The following TENM3 variants were observed in gnomAD, a reference collection of about 807,000 sequenced individuals.
TENM3 encodes the protein teneurin transmembrane protein 3.
Under a neutral mutation model 255.1 loss-of-function variants are expected in TENM3, and 63 were observed. The observed-to-expected ratio is 0.25, with a 90% confidence interval of 0.20 to 0.30. TENM3 has a LOEUF of 0.30. Among genes scored for constraint, TENM3 ranks in the 10% least tolerant of loss-of-function variants. The pLI, the probability that TENM3 is intolerant of heterozygous loss-of-function variation, is 1.00. For missense variants in TENM3, 2,929 were observed against 3,461.1 expected (o/e 0.85, Z 3.86); for synonymous variants, 1,306 against 1,322.3 (o/e 0.99, Z 0.27).
intron 1 of TENM3, among the ~76,000 whole-genome samples, chr4:182,174,067 A>T (rs6815611): frequency 9.9e-5 from 15 of 151,784 alleles, no homozygotes; most frequent in Non-Finnish European, 1.6e-4. Context: ...TAACTAAAAA[A>T]TTGTTTTACA....
At chr4:182,646,699 G>A (rs1043307175) in intron 5 of TENM3, among the ~76,000 whole-genome samples, 1 of 152,122 alleles carries the variant, frequency 6.6e-6, no homozygotes, top group African/African-American at 2.4e-5. Flanking sequence ...CCGGGATTGC[G>A]CCACTGCATT....
intron 4 of TENM3, among the ~76,000 whole-genome samples, chr4:182,605,093 G>A (rs1313209271): frequency 2.6e-5 from 4 of 152,154 alleles, no homozygotes; most frequent in Non-Finnish European, 4.4e-5. Flanking sequence ...CCTTGCTGAC[G>A]TGTGTCTGCA....
the TENM3 span, among the ~76,000 whole-genome samples, chr4:181,520,799 G>A: frequency 1.3e-5 from 2 of 151,870 alleles, no homozygotes; most frequent in Non-Finnish European, 2.9e-5. Context: ...ACTCTTGTCT[G>A]TCCATGTTGA....
At chr4:181,898,467 G>T in the TENM3 span, among the ~76,000 whole-genome samples, 1 of 152,140 alleles carries the variant, frequency 6.6e-6, no homozygotes, top group Admixed American at 6.6e-5. Context: ...ATAAAGGAAA[G>T]GAAAGTGAAG....
chr4:181,825,672 C>T, the TENM3 span, among the ~76,000 whole-genome samples: 2 of 152,088 alleles, frequency 1.3e-5, no homozygotes, highest in Non-Finnish European at 1.5e-5. Context: ...GTAAAATACC[C>T]TCAATCACAA....
chr4:181,809,426 T>G, the TENM3 span, among the ~76,000 whole-genome samples: 1 of 152,206 alleles, frequency 6.6e-6, no homozygotes, highest in Non-Finnish European at 1.5e-5. Context: ...ATCACAATTA[T>G]CCACGGTTCG....
chr4:182,364,289 A>G (rs1766246985), intron 3 of TENM3, among the ~76,000 whole-genome samples: 1 of 152,234 alleles, frequency 6.6e-6, no homozygotes, highest in South Asian at 2.1e-4. Context: ...ATTGGGCAAC[A>G]CAGATAAGCA....
rs1765936575 is a variant in TENM3, at chr4:182,789,477, G to A, written c.5601+88G>A. The A allele has an allele frequency of 8.1e-7, 1 of 1,228,690 alleles. No homozygotes were observed. Among genetic ancestry groups the A allele is most frequent in the South Asian group, 1.5e-5 (1 of 65,492 alleles). The allele number at this position is 1,228,690 out of a possible 1,614,324, so 76.1% of individuals were successfully genotyped here. On this transcript the variant is annotated intron_variant, in intron 25 of 27. Transcript: ENST00000511685. The surrounding 1 kb of genome is among the most constrained non-coding windows in gnomAD (Gnocchi z 4.4). ...CAGAGCACTAAGGGGAAAAAAAACA[G>A]TGGCACATGACTGAGTTCCATTTGT...
the TENM3 span, among the ~76,000 whole-genome samples, chr4:181,596,014 C>T: frequency 1.3e-5 from 2 of 152,216 alleles, no homozygotes; most frequent in African/African-American, 4.8e-5. Context: ...TTTGTCTTTA[C>T]GACTTTTATT....
At chr4:181,574,790 T>A in the TENM3 span, among the ~76,000 whole-genome samples, 3 of 152,188 alleles carry the variant, frequency 2.0e-5, no homozygotes, top group African/African-American at 7.2e-5. Flanking sequence ...ATGATTTAGG[T>A]TGAGATCTTC....
Position 182,688,351 on chromosome 4 carries a change from G to A in TENM3, c.2221G>A (p.Glu741Lys). The A allele has an allele frequency of 1.9e-6, 3 of 1,593,608 alleles. No individual in the cohort carries two copies. The highest frequency in any genetic ancestry group is 2.6e-6 in the Non-Finnish European group (3 of 1,167,906). Residue 741 changes from glutamate to lysine, a missense_variant and splice_region_variant, in exon 12 of 28, where the codon GAG (glutamate) becomes AAG (lysine). Glu to Lys is a moderately conservative substitution (Grantham distance 56). This residue lies in a region of TENM3 where 1,608 missense variants were observed against 1,884.4 expected (regional missense o/e 0.85). Transcript: ENST00000511685. ...QGWNGEHCTI[E>K]GCPGLCNSNG... The stretch of plus-strand genomic sequence containing the variant: ...CTGGAATGGAGAGCACTGCACTATC[G>A]GTAGGCTTACTGCAAGTCTGTGTCT...
At chr4:181,544,434 A>AAAAAAAAAAAAAAAAAAAC in the TENM3 span, among the ~76,000 whole-genome samples, 1 of 144,572 alleles carries the variant, frequency 6.9e-6, no homozygotes, top group East Asian at 2.0e-4. Context: ...AAAAAAAAAA[A>AAAAAAAAAAAAAAAAAAAC]AACTATAACT....
intron 3 of TENM3, among the ~76,000 whole-genome samples, chr4:182,552,077 C>G (rs1259399391): frequency 1.3e-5 from 2 of 151,398 alleles, no homozygotes; most frequent in Admixed American, 6.6e-5. Context: ...AGTGACAAGA[C>G]TGTTCATCAG....
At chr4:181,461,508 T>C in the TENM3 span, among the ~76,000 whole-genome samples, 1 of 152,162 alleles carries the variant, frequency 6.6e-6, no homozygotes, top group Non-Finnish European at 1.5e-5. Flanking sequence ...CCACATATGT[T>C]AAATAGCTTC....
intron 3 of TENM3, among the ~76,000 whole-genome samples, chr4:182,551,199 C>T (rs553892398): frequency 8.0e-5 from 11 of 137,352 alleles, no homozygotes; most frequent in Admixed American, 8.0e-4. Context: ...CCAGCCTGGG[C>T]GACAGAGTGA....
rs144329855 is a variant in TENM3 at position 182,624,271 on chromosome 4, G to A, written c.750-4380G>A. Among the ~76,000 whole-genome samples, 98 of 152,312 alleles carry A rather than the reference G, an allele frequency of 6.4e-4. 2 individuals are homozygous for A. In the East Asian group the frequency reaches 0.018, roughly 28 times the overall value. On this transcript the variant is annotated intron_variant, in intron 4 of 27. Coordinates refer to ENST00000511685, the MANE Select transcript of TENM3 (RefSeq NM_001080477.4). ...TCTGACATTTTGGGTATATCCCAAA[G>A]CCTCTCTCCATTTCCACTTTCCCCC...
the TENM3 span, among the ~76,000 whole-genome samples, chr4:181,697,216 G>A: frequency 6.6e-6 from 1 of 152,190 alleles, no homozygotes; most frequent in Non-Finnish European, 1.5e-5. Context: ...AGTGGCGAGT[G>A]CCTTGGCTGC....
intron 14 of TENM3, 98 bp downstream of exon 14, chr4:182,729,279 C>A: frequency 9.4e-7 from 1 of 1,059,970 alleles, no homozygotes; most frequent in Non-Finnish European, 1.4e-6. Context: ...GAGGAAAGTG[C>A]TGTTTTTTAA....
At chr4:182,296,206 G>A (rs1317507937) in intron 1 of TENM3, among the ~76,000 whole-genome samples, 5 of 151,930 alleles carry the variant, frequency 3.3e-5, no homozygotes, top group East Asian at 3.9e-4. Flanking sequence ...CAGATGATTC[G>A]CCCACCTTGG....
Sources: allele counts gnomAD v4.1 joint callset (sites outside exome capture counted in the v4.1 genomes callset), GRCh38; gene constraint gnomAD v4.1.1; regional missense constraint gnomAD v4.1.1; non-coding constraint Gnocchi (gnomAD v3.1); transcripts MANE v1.5; gene names NCBI Gene and HGNC (gene_info 2026-07-23, HGNC 2026-07-21).